Variants in RPAP2 observed in about 807,000 individuals in gnomAD.
The protein encoded by RPAP2 is putative RNA polymerase II subunit B1 CTD phosphatase RPAP2.
In RPAP2, 52 loss-of-function variants were observed where a neutral mutation model predicts 73.1. The ratio of observed to expected loss-of-function variants is 0.71; its 90% confidence interval spans 0.57 to 0.90. RPAP2 has a LOEUF of 0.90. Ranked by LOEUF, RPAP2 falls within the 40% of genes least tolerant of loss-of-function variation. RPAP2 has a pLI of 0.00. For missense variants in RPAP2, 598 were observed against 701.8 expected (o/e 0.85, Z 1.67); for synonymous variants, 225 against 242.1 (o/e 0.93, Z 0.65).
intron 8 of RPAP2, among the ~76,000 whole-genome samples, chr1:92,332,532 AG>A (rs1653030667): frequency 6.6e-6 from 1 of 152,154 alleles, no homozygotes; most frequent in African/African-American, 2.4e-5. Context: ...CTGGAGACTC[AG>A]GATGATGTTA....
intron 9 of RPAP2, among the ~76,000 whole-genome samples, chr1:92,335,466 C>T (rs1296771630): frequency 6.6e-6 from 1 of 152,056 alleles, no homozygotes; most frequent in African/African-American, 2.4e-5. Context: ...TAAAAATTAC[C>T]TGTAATCCCA....
At chr1:92,363,983 A>AAGTT (rs1257465106) in intron 11 of RPAP2, among the ~76,000 whole-genome samples, 1 of 152,078 alleles carries the variant, frequency 6.6e-6, no homozygotes, top group Admixed American at 6.6e-5. Flanking sequence ...GGGGAGTCAA[A>AAGTT]AGTTATATAC....
At chr1:92,378,214 T>C (rs547498142) in intron 11 of RPAP2, among the ~76,000 whole-genome samples, 1 of 152,206 alleles carries the variant, frequency 6.6e-6, no homozygotes, top group Admixed American at 6.5e-5. Context: ...CATTCATTCA[T>C]TCATTTTTGA....
intron 8 of RPAP2, among the ~76,000 whole-genome samples, chr1:92,331,868 T>C (rs992079043): frequency 3.3e-5 from 5 of 152,188 alleles, no homozygotes; most frequent in Non-Finnish European, 7.4e-5. Flanking sequence ...AAAATTATTT[T>C]ACTTTCACTT....
chr1:92,367,646 A>T (rs1414811843), intron 11 of RPAP2, among the ~76,000 whole-genome samples: 1 of 152,256 alleles, frequency 6.6e-6, no homozygotes, highest in Admixed American at 6.5e-5. Context: ...AGAACTCTGC[A>T]TGAACCCAGT....
intron 11 of RPAP2, among the ~76,000 whole-genome samples, chr1:92,379,874 A>T (rs976879218): frequency 1.3e-5 from 2 of 150,660 alleles, no homozygotes; most frequent in African/African-American, 4.9e-5. Flanking sequence ...GGTTGCTGTG[A>T]GCTGAGATTG....
At chr1:92,300,898 A>G (rs1425308935) in intron 2 of RPAP2, among the ~76,000 whole-genome samples, 1 of 152,112 alleles carries the variant, frequency 6.6e-6, no homozygotes, top group Admixed American at 6.5e-5. Flanking sequence ...GGAATAAATA[A>G]TAATAAATTA....
chr1:92,390,359 A>C lies in RPAP2; in HGVS notation c.*3348A>C, dbSNP rs1656004371. The C allele has an allele frequency of 1.3e-5, 2 of 152,212 alleles. No homozygotes were observed. Among genetic ancestry groups the C allele is most frequent in the African/African-American group, 2.4e-5 (1 of 41,462 alleles). 9.4% of individuals were successfully genotyped at this position (152,212 alleles called of 1,614,324 possible). ...CAAGCAAATGCTGAGAGATTTTGTC[A>C]CCACCAGGCCTGCCTTACAAGAGCT... On this transcript the variant is annotated 3_prime_UTR_variant, in exon 13 of 13. Transcript: ENST00000610020.
intron 11 of RPAP2, among the ~76,000 whole-genome samples, chr1:92,373,770 A>AAAAAT (rs1557630371): frequency 7.2e-6 from 1 of 138,326 alleles, no homozygotes; most frequent in Non-Finnish European, 1.6e-5. Flanking sequence ...AAAAAAAAAA[A>AAAAAT]GTAGCCAGGC....
chr1:92,363,894 CAT>C lies in RPAP2; in HGVS notation c.1689-16828_1689-16827del, dbSNP rs549930609. ...TGTAATATTTATTATAAGCATATAA[CAT>C]AAAATATGTGTTAATCGACTGCTTA... On this transcript the variant is annotated intron_variant, in intron 11 of 12. Transcript: ENST00000610020. The C allele has an allele frequency of 2.5e-3, 416 of 163,324 alleles. 4 individuals are homozygous for C. Among genetic ancestry groups the C allele is most frequent in the Middle Eastern group, 8.9e-3 (3 of 338 alleles). The allele number at this position is 163,324 out of a possible 1,614,324, so 10.1% of individuals were successfully genotyped here. A position where few individuals can be genotyped will look rare whatever the true frequency, so the allele number is the denominator to read the frequency against.
At chr1:92,343,830 G>C (rs1653730321) in intron 10 of RPAP2, among the ~76,000 whole-genome samples, 1 of 152,138 alleles carries the variant, frequency 6.6e-6, no homozygotes, top group South Asian at 2.1e-4. Context: ...GGGAGGTAGA[G>C]GGCAAGTTGT....
chr1:92,365,685 A>G (rs961217309), intron 11 of RPAP2, among the ~76,000 whole-genome samples: 8 of 152,226 alleles, frequency 5.3e-5, no homozygotes, highest in African/African-American at 1.9e-4. Flanking sequence ...TGAATTAGAA[A>G]CAGCAAAACT....
chr1:92,381,761 TA>T (rs1479401517), intron 12 of RPAP2, among the ~76,000 whole-genome samples: 10 of 150,596 alleles, frequency 6.6e-5, no homozygotes, highest in African/African-American at 1.5e-4. Flanking sequence ...TTTATTTTAT[TA>T]TTTTTTTTAA....
chr1:92,320,071 C>G (rs1033126927), intron 6 of RPAP2, among the ~76,000 whole-genome samples: 9 of 151,574 alleles, frequency 5.9e-5, no homozygotes, highest in African/African-American at 2.2e-4. Context: ...TAAAGGAGTT[C>G]ATGATTAATT....
At chr1:92,304,228 T>C in intron 4 of RPAP2, 56 bp from the exon 5 acceptor site, 1 of 1,254,574 alleles carries the variant, frequency 8.0e-7, no homozygotes, top group Non-Finnish European at 1.2e-6. Context: ...TCTTGTAACA[T>C]AACGTTCATG....
chr1:92,311,050 A>G (rs904313330), intron 6 of RPAP2, among the ~76,000 whole-genome samples: 1 of 152,214 alleles, frequency 6.6e-6, no homozygotes, highest in Admixed American at 6.5e-5. Context: ...TTACTACATG[A>G]AATGCCTCTG....
intron 5 of RPAP2, among the ~76,000 whole-genome samples, chr1:92,304,731 C>T (rs747761272): frequency 1.8e-4 from 28 of 152,142 alleles, no homozygotes; most frequent in Middle Eastern, 3.2e-3. Flanking sequence ...ATAAATTATA[C>T]TGGCACAATT....
intron 11 of RPAP2, among the ~76,000 whole-genome samples, chr1:92,355,064 AATTATT>A (rs1654398889): frequency 6.6e-6 from 1 of 151,734 alleles, no homozygotes; most frequent in Non-Finnish European, 1.5e-5. Flanking sequence ...ATACCCAGCT[AATTATT>A]ATTATTATTT....
chr1:92,369,861 C>T (rs1360456040), intron 11 of RPAP2, among the ~76,000 whole-genome samples: 3 of 152,108 alleles, frequency 2.0e-5, no homozygotes, highest in Non-Finnish European at 2.9e-5. Flanking sequence ...GAAAGATAAC[C>T]TGAAAGTAAA....
Sources: allele counts gnomAD v4.1 joint callset (sites outside exome capture counted in the v4.1 genomes callset), GRCh38; gene constraint gnomAD v4.1.1; transcripts MANE v1.5; gene names NCBI Gene and HGNC (gene_info 2026-07-23, HGNC 2026-07-21).